Variants in GRM3 observed in about 807,000 individuals in gnomAD.
GRM3 encodes glutamate metabotropic receptor 3.
A neutral mutation model predicts 70.5 loss-of-function variants in GRM3; 26 were observed. The ratio of observed to expected loss-of-function variants is 0.37; its 90% CI spans 0.27 to 0.51. GRM3 has a LOEUF of 0.51. Among genes scored for constraint, GRM3 ranks in the 20% least tolerant of loss-of-function variants. GRM3 has a pLI of 0.93. For missense variants in GRM3, 859 were observed against 1,123.8 expected (o/e 0.76, Z 3.37); for synonymous variants, 443 against 434.9 (o/e 1.02, Z -0.23).
intron 1 of GRM3, among the ~76,000 whole-genome samples, chr7:86,719,999 G>A (rs1326547304): frequency 1.3e-5 from 2 of 151,944 alleles, no homozygotes; most frequent in Admixed American, 6.6e-5. Flanking sequence ...GCAAGCACCA[G>A]ATCTGGAAAG....
At chr7:86,651,994 A>G (rs1300594556) in intron 1 of GRM3, among the ~76,000 whole-genome samples, 2 of 152,198 alleles carry the variant, frequency 1.3e-5, no homozygotes, top group African/African-American at 2.4e-5. Context: ...TTATAGGCTC[A>G]TTTTTCAGAA....
At position 86,839,287 on chromosome 7, in the gene GRM3, A is replaced by G. The variant is rs769178586; in HGVS notation, c.1773A>G (p.Thr591=). The G allele has an allele frequency of 1.5e-5, 24 of 1,613,580 alleles. No homozygotes were observed. Among genetic ancestry groups the G allele is most frequent in the Non-Finnish European group, 2.0e-5 (24 of 1,179,604 alleles). ...VTIACLGFMC[T]CMVVTVFIKH... ...TTGCCTGTCTGGGTTTTATGTGTAC[A>G]TGCATGGTTGTAACTGTTTTTATCA... The change falls in exon 4 of 6, where the codon ACA becomes ACG. Residue 591 remains threonine (T), a synonymous_variant. Transcript: ENST00000361669. This position sits in a 1 kb window ranked among gnomAD's most constrained non-coding sequence, Gnocchi z 4.5.
At position 86,834,585 on chromosome 7, in the gene GRM3, AT is replaced by A. The variant is rs67542488; in HGVS notation, c.1325-4239del. Among the ~76,000 whole-genome samples the A allele has an allele frequency of 7.4e-3, 988 of 134,182 alleles. 5 individuals carry two copies. Among genetic ancestry groups the A allele is most frequent in the African/African-American group, 0.012 (442 of 37,460 alleles). The allele number at this position is 134,182 out of a possible 152,430, so 88.0% of individuals were successfully genotyped here. On this transcript the variant is annotated intron_variant, in intron 3 of 5. Transcript: ENST00000361669. Reference sequence around the variant, plus strand: ...CATCCTGCACTGCTCTGCTTTCTCCATTTTTTTTTTTTTTTATTTTCTGGTT... The same window carrying A: ...CATCCTGCACTGCTCTGCTTTCTCCATTTTTTTTTTTTTTATTTTCTGGTT...
intron 1 of GRM3, among the ~76,000 whole-genome samples, chr7:86,734,977 A>G (rs1220705179): frequency 2.0e-5 from 3 of 152,196 alleles, no homozygotes; most frequent in African/African-American, 7.2e-5. Flanking sequence ...TATTATTACT[A>G]TTAGTAATGG....
chr7:86,708,599 C>T (rs1228797269), intron 1 of GRM3, among the ~76,000 whole-genome samples: 5 of 152,180 alleles, frequency 3.3e-5, no homozygotes, highest in Non-Finnish European at 7.4e-5. Context: ...CAGAGGGGTG[C>T]CACGTCAACG....
intron 1 of GRM3, among the ~76,000 whole-genome samples, chr7:86,668,064 T>C (rs1454646279): frequency 6.6e-6 from 1 of 152,202 alleles, no homozygotes; most frequent in African/African-American, 2.4e-5. Flanking sequence ...GTCCAGTTTA[T>C]GGATATGAAT....
intron 1 of GRM3, among the ~76,000 whole-genome samples, chr7:86,686,535 G>A (rs1347288031): frequency 1.3e-5 from 2 of 152,118 alleles, no homozygotes; most frequent in African/African-American, 4.8e-5. Flanking sequence ...ACAAAGGTTT[G>A]GTAAAAACTT....
At chr7:86,651,626 C>G (rs554899755) in intron 1 of GRM3, among the ~76,000 whole-genome samples, 1 of 152,184 alleles carries the variant, frequency 6.6e-6, no homozygotes, top group African/African-American at 2.4e-5. Flanking sequence ...TGCATTAATC[C>G]CAGTGATTTC....
intron 1 of GRM3, among the ~76,000 whole-genome samples, chr7:86,761,253 A>T (rs1796473407): frequency 6.6e-6 from 1 of 152,128 alleles, no homozygotes; most frequent in Non-Finnish European, 1.5e-5. Flanking sequence ...TGAGGCTTTG[A>T]GATAGAAGAA....
chr7:86,699,772 T>C (rs1794907675), intron 1 of GRM3, among the ~76,000 whole-genome samples: 1 of 151,958 alleles, frequency 6.6e-6, no homozygotes, highest in Non-Finnish European at 1.5e-5. Flanking sequence ...AGAAAGTTCA[T>C]TGCAGAGAAA....
At chr7:86,689,064 G>C (rs534586528) in intron 1 of GRM3, among the ~76,000 whole-genome samples, 1 of 150,518 alleles carries the variant, frequency 6.6e-6, no homozygotes, top group Admixed American at 6.6e-5. Flanking sequence ...TCCTCATCCT[G>C]ACAGATATTG....
intron 1 of GRM3, among the ~76,000 whole-genome samples, chr7:86,704,219 A>C (rs983905882): frequency 6.6e-6 from 1 of 152,102 alleles, no homozygotes; most frequent in Middle Eastern, 3.4e-3. Context: ...AAACAGTTTT[A>C]AACTAAGTCT....
At chr7:86,730,347 G>A (rs759556921) in intron 1 of GRM3, among the ~76,000 whole-genome samples, 5 of 151,840 alleles carry the variant, frequency 3.3e-5, no homozygotes, top group Non-Finnish European at 7.4e-5. Context: ...TTGTAACCGG[G>A]AGGCGGAGGT....
At chr7:86,752,570 A>G (rs1420335890) in intron 1 of GRM3, among the ~76,000 whole-genome samples, 1 of 152,078 alleles carries the variant, frequency 6.6e-6, no homozygotes, top group Non-Finnish European at 1.5e-5. Flanking sequence ...GTACAACAAG[A>G]TAGTAGGGGT....
intron 1 of GRM3, among the ~76,000 whole-genome samples, chr7:86,726,047 G>C (rs1478811828): frequency 6.6e-6 from 1 of 152,172 alleles, no homozygotes; most frequent in Non-Finnish European, 1.5e-5. Flanking sequence ...CAAACATTTA[G>C]ACCATAGCAT....
intron 1 of GRM3, among the ~76,000 whole-genome samples, chr7:86,664,754 C>T (rs1793982111): frequency 1.3e-5 from 2 of 151,862 alleles, no homozygotes; most frequent in Non-Finnish European, 2.9e-5. Context: ...GGTGATTCAC[C>T]AACACAACTG....
intron 5 of GRM3, among the ~76,000 whole-genome samples, chr7:86,851,873 T>G (rs1798761693): frequency 6.6e-6 from 1 of 152,188 alleles, no homozygotes; most frequent in South Asian, 2.1e-4. Context: ...AGACTAATCT[T>G]AACAGCTACC....
At chr7:86,772,619 C>A (rs1041505014) in intron 2 of GRM3, among the ~76,000 whole-genome samples, 12 of 152,048 alleles carry the variant, frequency 7.9e-5, no homozygotes, top group Non-Finnish European at 1.6e-4. Flanking sequence ...GTCCTCTTAT[C>A]TAGCTGTCTG....
intron 2 of GRM3, among the ~76,000 whole-genome samples, chr7:86,768,258 A>G (rs1796654607): frequency 6.6e-6 from 1 of 152,162 alleles, no homozygotes; most frequent in Non-Finnish European, 1.5e-5. Flanking sequence ...TTATGTCCCT[A>G]AAATTATAGG....
Sources: allele counts gnomAD v4.1 joint callset (sites outside exome capture counted in the v4.1 genomes callset), GRCh38; gene constraint gnomAD v4.1.1; non-coding constraint Gnocchi (gnomAD v3.1); transcripts MANE v1.5; gene names NCBI Gene and HGNC (gene_info 2026-07-23, HGNC 2026-07-21).